TRIM33: variants seen among roughly 807,000 people sequenced by gnomAD.
TRIM33 encodes tripartite motif containing 33.
In TRIM33, 20 loss-of-function variants were observed where a neutral mutation model predicts 125.4. That is an observed-to-expected ratio of 0.16 (90% CI 0.11 to 0.23). The LOEUF (loss-of-function observed/expected upper bound fraction) is 0.23, where lower values mean the gene tolerates loss of function less well. Among genes scored for constraint, TRIM33 ranks in the 10% least tolerant of loss-of-function variants. TRIM33 has a pLI of 1.00. For missense variants in TRIM33, 920 were observed against 1,411.4 expected (o/e 0.65, Z 5.58); for synonymous variants, 564 against 513.9 (o/e 1.10, Z -1.32).
chr1:114,499,923 G>C (rs113640677), intron 1 of TRIM33, among the ~76,000 whole-genome samples: 6,595 of 152,282 alleles, frequency 0.043, 155 homozygotes, highest in South Asian at 0.063. Context: ...CACTTTGGGA[G>C]GCCCAGGCAG....
intron 11 of TRIM33, among the ~76,000 whole-genome samples, chr1:114,415,688 C>T (rs926980654): frequency 2.0e-5 from 3 of 152,092 alleles, no homozygotes; most frequent in African/African-American, 4.8e-5. Context: ...CAGTGGCTCA[C>T]GCCTGTAATC....
intron 1 of TRIM33, among the ~76,000 whole-genome samples, chr1:114,497,814 C>G (rs1180955749): frequency 2.0e-5 from 3 of 150,362 alleles, no homozygotes; most frequent in Non-Finnish European, 4.4e-5. Flanking sequence ...TTGCCTCATT[C>G]AAGTGGGGAG....
Position 114,452,122 on chromosome 1 carries a change from A to G in TRIM33, c.923+10982T>C, listed in dbSNP as rs186201086. Among the ~76,000 whole-genome samples the G allele has an allele frequency of 3.4e-3, 524 of 152,320 alleles. 2 individuals carry two copies. The highest frequency in any genetic ancestry group is 5.7e-3 in the Non-Finnish European group (386 of 68,032). On this transcript the variant is annotated intron_variant, in intron 4 of 19. Transcript: ENST00000358465. The stretch of plus-strand genomic sequence containing the variant: ...AAACTGGGTCACTAAAATGACCAAT[A>G]AAGACCACAAACTTATGGCCAATCT...
chr1:114,451,300 G>A (rs1293680782), intron 4 of TRIM33, among the ~76,000 whole-genome samples: 1 of 149,122 alleles, frequency 6.7e-6, no homozygotes, highest in East Asian at 2.0e-4. Flanking sequence ...TATCTCCTTT[G>A]CATGGCCTTA....
chr1:114,413,896 A>G (rs1460717020), intron 11 of TRIM33, among the ~76,000 whole-genome samples: 1 of 152,066 alleles, frequency 6.6e-6, no homozygotes, highest in Non-Finnish European at 1.5e-5. Context: ...GCATGGTAGC[A>G]TGTGCCCGTA....
At chr1:114,414,377 A>G (rs1429427681) in intron 11 of TRIM33, among the ~76,000 whole-genome samples, 1 of 152,112 alleles carries the variant, frequency 6.6e-6, no homozygotes, top group East Asian at 1.9e-4. Flanking sequence ...TACCTGATCT[A>G]GTTTCCATTT....
At chr1:114,441,731 C>A (rs750280805) in intron 4 of TRIM33, among the ~76,000 whole-genome samples, 1 of 152,142 alleles carries the variant, frequency 6.6e-6, no homozygotes, top group Non-Finnish European at 1.5e-5. Flanking sequence ...GCCCTCTTTG[C>A]CAAATGGGTA....
intron 4 of TRIM33, among the ~76,000 whole-genome samples, chr1:114,439,311 A>C (rs1421935689): frequency 1.3e-5 from 2 of 151,922 alleles, no homozygotes; most frequent in African/African-American, 4.8e-5. Context: ...GTCTCTACTA[A>C]AAATACAAAA....
intron 1 of TRIM33, 62 bp downstream of exon 1, chr1:114,510,489 A>G (rs1238055086): frequency 5.0e-6 from 7 of 1,391,076 alleles, no homozygotes; most frequent in Non-Finnish European, 9.3e-7. Flanking sequence ...CTCCGTCCCC[A>G]GCTCCTCTAG....
At chr1:114,435,761 C>G (rs1239508480) in intron 4 of TRIM33, among the ~76,000 whole-genome samples, 2 of 151,528 alleles carry the variant, frequency 1.3e-5, no homozygotes, top group Non-Finnish European at 2.9e-5. Flanking sequence ...GGGTCTCACT[C>G]TATCACCCAA....
Position 114,511,038 on chromosome 1 carries a change from G to T in TRIM33, c.39C>A (p.Gly13=). The change falls in exon 1 of 20, where the codon GGC becomes GGA. Residue 13 remains glycine (G), a synonymous_variant. Transcript: ENST00000358465. ...ENKGGGEAES[G]GGGSGSAPVT... Reference sequence around the variant, plus strand: ...CCGGCGCGCTGCCGCTGCCCCCGCCGCCGCTCTCAGCCTCGCCGCCGCCTT... The same window carrying T: ...CCGGCGCGCTGCCGCTGCCCCCGCCTCCGCTCTCAGCCTCGCCGCCGCCTT... The T allele has an allele frequency of 7.6e-7, 1 of 1,312,614 alleles. No individual in the cohort carries two copies. The highest frequency in any genetic ancestry group is 9.7e-7 in the Non-Finnish European group (1 of 1,028,834). The allele number at this position is 1,312,614 out of a possible 1,614,324, so 81.3% of individuals were successfully genotyped here.
intron 18 of TRIM33, among the ~76,000 whole-genome samples, chr1:114,398,321 G>A (rs751796444): frequency 6.6e-6 from 1 of 152,120 alleles, no homozygotes; most frequent in Non-Finnish European, 1.5e-5. Flanking sequence ...TTAAAAAACT[G>A]ACAAACTTTC....
chr1:114,426,578 C>A (rs1391980065), intron 8 of TRIM33, among the ~76,000 whole-genome samples: 1 of 150,088 alleles, frequency 6.7e-6, no homozygotes, highest in Non-Finnish European at 1.5e-5. Flanking sequence ...TAGGACTTAA[C>A]TGTTCTGAAA....
At chr1:114,407,123 G>T in intron 13 of TRIM33, 23 bp from the exon 14 acceptor site, 2 of 1,597,520 alleles carry the variant, frequency 1.3e-6, no homozygotes, top group Non-Finnish European at 1.7e-6. Flanking sequence ...AACAAATAAA[G>T]ATCACATACG....
chr1:114,422,647 A>AG (rs1284039965), intron 10 of TRIM33, among the ~76,000 whole-genome samples: 2 of 151,818 alleles, frequency 1.3e-5, no homozygotes, highest in South Asian at 2.1e-4. Context: ...TGCACCAGGA[A>AG]GGAAAAAAAA....
chr1:114,510,621 G>C lies in TRIM33; in HGVS notation c.456C>G (p.Arg152=), dbSNP rs1410942032. ...LLPCLHSFCL[R]CLPEPERQLS... ...GCTGGCGCTCCGGCTCGGGCAGGCA[G>C]CGCAGGCAGAAGGAGTGAAGACAGG... The change falls in exon 1 of 20, where the codon CGC becomes CGG. Residue 152 remains arginine (R), a synonymous_variant. Transcript: ENST00000358465. The C allele has an allele frequency of 6.4e-7, 1 of 1,563,870 alleles. No individual in the cohort carries two copies. Among genetic ancestry groups the C allele is most frequent in the South Asian group, 1.2e-5 (1 of 86,012 alleles).
At chr1:114,508,625 C>A (rs1227847846) in intron 1 of TRIM33, among the ~76,000 whole-genome samples, 4 of 152,144 alleles carry the variant, frequency 2.6e-5, no homozygotes, top group Non-Finnish European at 4.4e-5. Flanking sequence ...CACCCTCACC[C>A]CAGCCCTGCT....
chr1:114,475,505 C>T (rs773596733), intron 1 of TRIM33, among the ~76,000 whole-genome samples: 8 of 152,086 alleles, frequency 5.3e-5, no homozygotes, highest in Admixed American at 6.6e-5. Context: ...CACGGTGAAA[C>T]GCTGTCTGTA....
At chr1:114,497,987 G>A (rs1652472617) in intron 1 of TRIM33, among the ~76,000 whole-genome samples, 1 of 151,934 alleles carries the variant, frequency 6.6e-6, no homozygotes, top group African/African-American at 2.4e-5. Context: ...TGATAGCTGG[G>A]CACAGTGGTA....
Sources: gnomAD v4.1 joint callset for allele counts (sites outside exome capture counted in the v4.1 genomes callset) on GRCh38, gnomAD v4.1.1 for gene constraint, MANE v1.5 for transcripts, NCBI Gene and HGNC (gene_info 2026-07-23, HGNC 2026-07-21) for gene names.